PLCB1: variants seen among roughly 807,000 people sequenced by gnomAD.
The protein encoded by PLCB1 is phospholipase C beta 1.
In PLCB1, 46 loss-of-function variants were observed where a neutral mutation model predicts 161.8. That is an observed-to-expected ratio of 0.28 (90% confidence interval 0.22 to 0.36). The LOEUF (loss-of-function observed/expected upper bound fraction) is 0.36, where lower values mean the gene tolerates loss of function less well. PLCB1 is among the 10% of genes least tolerant of loss of function. PLCB1 has a pLI of 1.00. For missense variants in PLCB1, 1,016 were observed against 1,472.5 expected (o/e 0.69, Z 5.07); for synonymous variants, 517 against 503.7 (o/e 1.03, Z -0.35).
At chr20:8,239,244 C>G (rs1400544889) in intron 2 of PLCB1, among the ~76,000 whole-genome samples, 1 of 151,934 alleles carries the variant, frequency 6.6e-6, no homozygotes, top group Non-Finnish European at 1.5e-5. Context: ...TTGAATGCAA[C>G]TTAAAATCTA....
chr20:8,265,691 T>A (rs1981921384), intron 2 of PLCB1, among the ~76,000 whole-genome samples: 2 of 152,178 alleles, frequency 1.3e-5, no homozygotes, highest in African/African-American at 2.4e-5. Flanking sequence ...AATACATGTC[T>A]CCAGTTCCTA....
At position 8,132,284 on chromosome 20, in the gene PLCB1, T is replaced by G; in HGVS notation, c.-368T>G. The G allele has an allele frequency of 1.2e-5, 2 of 164,218 alleles. No individual in the cohort carries two copies. The highest frequency in any genetic ancestry group is 1.3e-5 in the Non-Finnish European group (1 of 76,116). 10.2% of individuals were successfully genotyped at this position (164,218 alleles called of 1,614,324 possible). On this transcript the variant is annotated 5_prime_UTR_variant, in exon 1 of 32. Coordinates refer to ENST00000338037, the MANE Select transcript of PLCB1 (RefSeq NM_015192.4). The surrounding 1 kb of genome is among the most constrained non-coding windows in gnomAD (Gnocchi z 5.2). ...GTGTGTCACTCGCTCTCTCCCTCTG[T>G]GTATAGAGGATGTGCTGAATGGTGC...
intron 3 of PLCB1, among the ~76,000 whole-genome samples, chr20:8,514,223 T>C (rs1984012194): frequency 6.6e-6 from 1 of 151,846 alleles, no homozygotes; most frequent in Non-Finnish European, 1.5e-5. Context: ...GCAGATTGCC[T>C]GAGCTCAGGA....
rs192811441 is a variant in PLCB1, at chr20:8,150,553, T to C, written c.177+182T>C. On this transcript the variant is annotated intron_variant, in intron 2 of 31. Coordinates refer to ENST00000338037, the MANE Select transcript of PLCB1 (RefSeq NM_015192.4). ...CTTAGGACGTTTCAAAGTCACTAGTTTGAAATATTAGATTTGCTAAATTCT... is the reference window on the plus strand; with the variant it reads ...CTTAGGACGTTTCAAAGTCACTAGTCTGAAATATTAGATTTGCTAAATTCT... 1.0e-3 allele frequency among the ~76,000 whole-genome samples: 155 copies of C among 152,300 alleles called. 2 individuals are homozygous for C. Among genetic ancestry groups the C allele is most frequent in the Admixed American group, 0.01 (154 of 15,294 alleles).
rs183878840 is a variant in PLCB1, at chr20:8,619,270, T to C, written c.247-9024T>C. 5.8e-3 allele frequency among the ~76,000 whole-genome samples: 886 copies of C among 152,022 alleles called. 3 individuals are homozygous for C. The highest frequency in any genetic ancestry group is 8.7e-3 in the Non-Finnish European group (594 of 67,944). Reference sequence around the variant, plus strand: ...CCCGTCTCTACTAAAAATACAAAAATTAGCCGGGCGTGGTGGCATGTGCCT... The same window carrying C: ...CCCGTCTCTACTAAAAATACAAAAACTAGCCGGGCGTGGTGGCATGTGCCT... On this transcript the variant is annotated intron_variant, in intron 3 of 31. Transcript: ENST00000338037.
At position 8,722,411 on chromosome 20, in the gene PLCB1, C is replaced by T; in HGVS notation, c.1571C>T (p.Ser524Leu). The change falls in exon 15 of 32, where the codon TCA becomes TTA. Residue 524 changes from serine to leucine, a missense_variant. By Grantham distance (145) the Ser-to-Leu change is moderately radical. Around this residue, in one of 10 missense-constraint regions of PLCB1, gnomAD observed 109 missense variants for 129.7 expected, o/e 0.84. Transcript: ENST00000338037. ...DDDDDDCKKS[S>L]MDEGTAGSEA... Reference sequence around the variant, plus strand: ...GATGATGATGACTGTAAAAAATCTTCAATGGATGAGGTGGGTACTTAGGGC... The same window carrying T: ...GATGATGATGACTGTAAAAAATCTTTAATGGATGAGGTGGGTACTTAGGGC... The T allele has an allele frequency of 6.2e-7, 1 of 1,610,022 alleles. No homozygotes were observed. Among genetic ancestry groups the T allele is most frequent in the South Asian group, 1.1e-5 (1 of 90,506 alleles).
intron 3 of PLCB1, among the ~76,000 whole-genome samples, chr20:8,447,560 A>G (rs1424924052): frequency 6.6e-6 from 1 of 152,210 alleles, no homozygotes; most frequent in South Asian, 2.1e-4. Context: ...TGAGGGATAG[A>G]GTAGGCCGCT....
At chr20:8,610,916 A>C (rs1987887918) in intron 3 of PLCB1, among the ~76,000 whole-genome samples, 1 of 152,014 alleles carries the variant, frequency 6.6e-6, no homozygotes. Context: ...GCTCATTATG[A>C]TAATGATGAG....
At chr20:8,667,745 G>T (rs1195000398) in intron 9 of PLCB1, among the ~76,000 whole-genome samples, 3 of 152,198 alleles carry the variant, frequency 2.0e-5, no homozygotes, top group African/African-American at 7.2e-5. Context: ...AAGTGAGCTT[G>T]GTAGCCTCAT....
intron 3 of PLCB1, among the ~76,000 whole-genome samples, chr20:8,527,615 C>T (rs928174424): frequency 5.3e-5 from 8 of 151,976 alleles, no homozygotes; most frequent in Admixed American, 6.6e-5. Flanking sequence ...ATAGTAGTTC[C>T]TTTTGTGAGG....
intron 2 of PLCB1, among the ~76,000 whole-genome samples, chr20:8,338,198 C>T (rs948114637): frequency 5.3e-5 from 8 of 152,096 alleles, no homozygotes; most frequent in Admixed American, 5.2e-4. Flanking sequence ...AATATATTCT[C>T]ATACTTCCAA....
At chr20:8,598,066 A>AT (rs1245384210) in intron 3 of PLCB1, among the ~76,000 whole-genome samples, 1 of 12,508 alleles carries the variant, frequency 8.0e-5, no homozygotes, top group Admixed American at 7.4e-4. Context: ...GGATTCATTA[A>AT]TTTTTTGAAG....
At chr20:8,735,109 A>G (rs562073134) in intron 19 of PLCB1, among the ~76,000 whole-genome samples, 1 of 152,356 alleles carries the variant, frequency 6.6e-6, no homozygotes, top group East Asian at 1.9e-4. Context: ...GTCAGGTGTG[A>G]TAAAGATAAA....
intron 3 of PLCB1, among the ~76,000 whole-genome samples, chr20:8,411,168 A>T (rs1187154055): frequency 6.6e-6 from 1 of 152,212 alleles, no homozygotes; most frequent in Non-Finnish European, 1.5e-5. Context: ...CCAAATTTAA[A>T]ATGTAGCTGG....
intron 4 of PLCB1, among the ~76,000 whole-genome samples, chr20:8,629,498 A>G (rs976932099): frequency 6.6e-6 from 1 of 152,252 alleles, no homozygotes; most frequent in African/African-American, 2.4e-5. Context: ...TGAAATGAAC[A>G]TATTTAAAGA....
chr20:8,603,200 T>A (rs1987648383), intron 3 of PLCB1, among the ~76,000 whole-genome samples: 1 of 152,110 alleles, frequency 6.6e-6, no homozygotes, highest in African/African-American at 2.4e-5. Context: ...AAATACAAGA[T>A]TTTCTTTTCT....
At chr20:8,403,065 G>C (rs1978635176) in intron 3 of PLCB1, among the ~76,000 whole-genome samples, 1 of 152,048 alleles carries the variant, frequency 6.6e-6, no homozygotes, top group African/African-American at 2.4e-5. Context: ...CATTTTATTA[G>C]ATTCTAAACT....
At chr20:8,262,130 C>T (rs1413494571) in intron 2 of PLCB1, among the ~76,000 whole-genome samples, 2 of 152,052 alleles carry the variant, frequency 1.3e-5, no homozygotes, top group Non-Finnish European at 2.9e-5. Context: ...AGTGCAGTGG[C>T]ATGATCTCAG....
intron 3 of PLCB1, among the ~76,000 whole-genome samples, chr20:8,494,181 A>G (rs570890224): frequency 7.2e-5 from 11 of 152,240 alleles, no homozygotes; most frequent in Non-Finnish European, 1.6e-4. Flanking sequence ...CTGAAAAGGA[A>G]TTAAAAAGTA....
Sources: allele counts gnomAD v4.1 joint callset (sites outside exome capture counted in the v4.1 genomes callset), GRCh38; gene constraint gnomAD v4.1.1; regional missense constraint gnomAD v4.1.1; non-coding constraint Gnocchi (gnomAD v3.1); transcripts MANE v1.5; gene names NCBI Gene and HGNC (gene_info 2026-07-23, HGNC 2026-07-21).